SCN2A: variants seen among roughly 807,000 people sequenced by gnomAD.
The protein encoded by SCN2A is sodium voltage-gated channel alpha subunit 2.
SCN2A carries 20 observed loss-of-function variants against 188.7 expected under a neutral mutation model. That is an observed-to-expected ratio of 0.11 (90% CI 0.07 to 0.15). The LOEUF (loss-of-function observed/expected upper bound fraction) is 0.15, where lower values mean the gene tolerates loss of function less well. Ranked by LOEUF, SCN2A falls within the 10% of genes least tolerant of loss-of-function variation. The pLI is 1.00. For synonymous variants in SCN2A, 804 were observed against 833.1 expected (o/e 0.97, Z 0.60); for missense variants, 1,278 against 2,445.0 (o/e 0.52, Z 10.07).
intron 11 of SCN2A, among the ~76,000 whole-genome samples, chr2:165,318,377 C>T (rs1697880977): frequency 6.6e-6 from 1 of 152,058 alleles, no homozygotes; most frequent in South Asian, 2.1e-4. Flanking sequence ...GTACAATTGA[C>T]CTTAAATCAT....
chr2:165,389,182 G>A lies in SCN2A; in HGVS notation c.5376G>A (p.Glu1792=). The A allele has an allele frequency of 6.2e-7, 1 of 1,614,028 alleles. No homozygotes were observed. Among genetic ancestry groups the A allele is most frequent in the Non-Finnish European group, 8.5e-7 (1 of 1,179,986 alleles). ...ATEESAEPLS[E]DDFEMFYEVW... ...AAGAAAGTGCAGAGCCTCTGAGTGA[G>A]GATGACTTTGAGATGTTCTATGAGG... The change falls in exon 27 of 27, where the codon GAG becomes GAA. Residue 1792 remains glutamate (E), a synonymous_variant. Coordinates refer to ENST00000375437, the MANE Select transcript of SCN2A (RefSeq NM_001040142.2). The surrounding 1 kb of genome is among the most constrained non-coding windows in gnomAD (Gnocchi z 4.2).
At position 165,367,202 on chromosome 2, in the gene SCN2A, T is replaced by TC. The variant is rs34369800; in HGVS notation, c.3521-12dup. 1 of 1,613,988 alleles carries TC rather than the reference T, an allele frequency of 6.2e-7. No homozygotes were observed. Among genetic ancestry groups the TC allele is most frequent in the East Asian group, 2.2e-5 (1 of 44,862 alleles). On this transcript the variant is annotated splice_polypyrimidine_tract_variant and intron_variant, in intron 18 of 26. Transcript: ENST00000375437. ...GAGTAATTTTTTGTCTTCATTTTTT[T>TC]CCCACATATTTTAGACTGTGTACGG...
intron 19 of SCN2A, among the ~76,000 whole-genome samples, chr2:165,369,393 G>A (rs1700905846): frequency 1.3e-5 from 2 of 152,156 alleles, no homozygotes. Context: ...TACAGCTTCA[G>A]CTATAAGCAA....
intron 1 of SCN2A, among the ~76,000 whole-genome samples, chr2:165,283,809 C>T (rs1170576983): frequency 6.6e-6 from 1 of 152,152 alleles, no homozygotes; most frequent in East Asian, 1.9e-4. Context: ...AAATCAGACA[C>T]ATGTGAATTT....
chr2:165,265,986 C>CT (rs1694844962), intron 1 of SCN2A, among the ~76,000 whole-genome samples: 1 of 151,374 alleles, frequency 6.6e-6, no homozygotes, highest in Admixed American at 6.6e-5. Flanking sequence ...ATGCCTGGCT[C>CT]TTTATTACAT....
intron 18 of SCN2A, among the ~76,000 whole-genome samples, chr2:165,367,015 T>G (rs1700764840): frequency 6.6e-6 from 1 of 152,128 alleles, no homozygotes; most frequent in South Asian, 2.1e-4. Context: ...GCTATAAACA[T>G]AAAAATAAAT....
At chr2:165,254,348 A>G (rs918505908) in intron 1 of SCN2A, among the ~76,000 whole-genome samples, 2 of 151,692 alleles carry the variant, frequency 1.3e-5, no homozygotes, top group African/African-American at 4.8e-5. Flanking sequence ...TTTATTTAAG[A>G]AGTTTATAAC....
intron 7 of SCN2A, among the ~76,000 whole-genome samples, chr2:165,311,248 C>T (rs1222326908): frequency 6.6e-6 from 1 of 151,886 alleles, no homozygotes; most frequent in Non-Finnish European, 1.5e-5. Context: ...GAGCCCAGCC[C>T]CTCTGTCATT....
chr2:165,281,560 G>A (rs1044642346), intron 1 of SCN2A, among the ~76,000 whole-genome samples: 1 of 151,806 alleles, frequency 6.6e-6, no homozygotes, highest in Non-Finnish European at 1.5e-5. Flanking sequence ...GGAAGTGAGG[G>A]GGGTGGGCAG....
chr2:165,377,282 G>C (rs1422908158), intron 22 of SCN2A, among the ~76,000 whole-genome samples: 1 of 151,806 alleles, frequency 6.6e-6, no homozygotes, highest in East Asian at 1.9e-4. Flanking sequence ...TTTCATCAAA[G>C]TTCATGATAT....
chr2:165,350,367 C>T (rs1396147863), intron 16 of SCN2A, among the ~76,000 whole-genome samples: 1 of 150,864 alleles, frequency 6.6e-6, no homozygotes, highest in Admixed American at 6.6e-5. Flanking sequence ...TAATTTGAGA[C>T]ACAAGAAAGA....
Position 165,344,715 on chromosome 2 carries a change from A to G in SCN2A, c.2723A>G (p.Lys908Arg), listed in dbSNP as rs2228980. The G allele has an allele frequency of 5.4e-3, 8,716 of 1,614,136 alleles. 37 individuals are homozygous for G. The highest frequency in any genetic ancestry group is 6.4e-3 in the Non-Finnish European group (7,540 of 1,180,012). ...VGMQLFGKSY[K>R]ECVCKISNDC... ...ATGCAGCTCTTTGGTAAGAGCTACA[A>G]AGAATGTGTCTGCAAGATTTCCAAT... Residue 908 changes from lysine to arginine, a missense_variant, in exon 16 of 27, where the codon AAA becomes AGA. Lys to Arg is a conservative substitution (Grantham distance 26, BLOSUM62 2). This residue lies in a region of SCN2A where 83 missense variants were observed against 256.8 expected (regional missense o/e 0.32). Transcript: ENST00000375437.
intron 25 of SCN2A, among the ~76,000 whole-genome samples, chr2:165,385,714 A>C (rs1223870016): frequency 6.6e-6 from 1 of 152,178 alleles, no homozygotes; most frequent in Non-Finnish European, 1.5e-5. Context: ...CTCTAGAATG[A>C]TGATTTTTAA....
In SCN2A at chr2:165,389,914, C is replaced by T; in HGVS notation, c.*90C>T. On this transcript the variant is annotated 3_prime_UTR_variant, in exon 27 of 27. Coordinates refer to ENST00000375437, the MANE Select transcript of SCN2A (RefSeq NM_001040142.2). This position sits in a 1 kb window ranked among gnomAD's most constrained non-coding sequence, Gnocchi z 4.2. The stretch of plus-strand genomic sequence containing the variant: ...TGTCAACAGGACTCCCACAGGAGGT[C>T]TATGCCAAACTGACTGTTTTTACAA... The T allele has an allele frequency of 3.3e-6, 5 of 1,520,642 alleles. No homozygotes were observed. The highest frequency in any genetic ancestry group is 4.4e-6 in the Non-Finnish European group (5 of 1,142,020). 94.2% of individuals were successfully genotyped at this position (1,520,642 alleles called of 1,614,324 possible).
chr2:165,383,919 G>A (rs1701732154), intron 25 of SCN2A, among the ~76,000 whole-genome samples: 1 of 151,950 alleles, frequency 6.6e-6, no homozygotes, highest in Non-Finnish European at 1.5e-5. Flanking sequence ...GAGGAAGGAG[G>A]AAGGGAGAGA....
At chr2:165,379,476 A>G (rs1426448740) in intron 23 of SCN2A, among the ~76,000 whole-genome samples, 1 of 151,712 alleles carries the variant, frequency 6.6e-6, no homozygotes, top group Non-Finnish European at 1.5e-5. Flanking sequence ...GGGATGATGG[A>G]GTTTATGTTT....
intron 1 of SCN2A, among the ~76,000 whole-genome samples, chr2:165,277,225 A>C (rs183539498): frequency 1.2e-4 from 19 of 152,308 alleles, no homozygotes; most frequent in Non-Finnish European, 2.4e-4. Flanking sequence ...AGTATCTGCT[A>C]GTAATTGAGG....
chr2:165,370,992 A>G (rs1700995834), intron 20 of SCN2A: 1 of 152,516 alleles, frequency 6.6e-6, no homozygotes, highest in South Asian at 2.1e-4. Context: ...ATTTAGAACT[A>G]CATAAGTGTG....
intron 1 of SCN2A, among the ~76,000 whole-genome samples, chr2:165,250,509 AC>A (rs1694039938): frequency 6.6e-6 from 1 of 151,812 alleles, no homozygotes; most frequent in Non-Finnish European, 1.5e-5. Flanking sequence ...ACACACACAC[AC>A]ACACACACAC....
Sources: gnomAD v4.1 joint callset for allele counts (sites outside exome capture counted in the v4.1 genomes callset) on GRCh38, gnomAD v4.1.1 for gene constraint, gnomAD v4.1.1 regional missense constraint, Gnocchi (gnomAD v3.1) non-coding constraint, MANE v1.5 for transcripts, NCBI Gene and HGNC (gene_info 2026-07-23, HGNC 2026-07-21) for gene names.